The following AGTPBP1 variants were observed in gnomAD, a reference collection of about 807,000 sequenced individuals.
The protein encoded by AGTPBP1 is cytosolic carboxypeptidase 1.
A neutral mutation model predicts 143.9 loss-of-function variants in AGTPBP1; 70 were observed. The observed-to-expected ratio is 0.49, with a 90% CI of 0.40 to 0.59. The LOEUF (loss-of-function observed/expected upper bound fraction) is 0.59. AGTPBP1 is among the 20% of genes least tolerant of loss of function. The pLI is 0.00. For synonymous variants in AGTPBP1, 463 were observed against 500.2 expected, an observed-to-expected ratio of 0.93 and a Z score of 0.99; for missense variants, 1,229 against 1,464.5, an observed-to-expected ratio of 0.84 and a Z score of 2.62.
chr9:85,556,089 G>GA (rs1826322948), intron 25 of AGTPBP1, among the ~76,000 whole-genome samples: 1 of 151,948 alleles, frequency 6.6e-6, no homozygotes, highest in Non-Finnish European at 1.5e-5. Flanking sequence ...CCGTGACATG[G>GA]GTTTACCTAT....
chr9:85,759,887 A>C, the AGTPBP1 span, among the ~76,000 whole-genome samples: 1 of 152,220 alleles, frequency 6.6e-6, no homozygotes, highest in Non-Finnish European at 1.5e-5. Flanking sequence ...CTAATAAAGA[A>C]GAAAAGAGAG....
At chr9:85,620,021 A>G (rs562127506) in intron 15 of AGTPBP1, among the ~76,000 whole-genome samples, 24 of 152,196 alleles carry the variant, frequency 1.6e-4, no homozygotes, top group African/African-American at 5.8e-4. Flanking sequence ...TAAATAAGGT[A>G]TATGTTTCCT....
At chr9:85,666,829 T>C (rs928468363) in intron 8 of AGTPBP1, among the ~76,000 whole-genome samples, 2 of 152,026 alleles carry the variant, frequency 1.3e-5, no homozygotes, top group African/African-American at 4.8e-5. Flanking sequence ...AAACAGCAAA[T>C]AAATAAAAGC....
chr9:85,765,011 A>G, the AGTPBP1 span: 1 of 640,976 alleles, frequency 1.6e-6, no homozygotes, highest in South Asian at 1.7e-5. Flanking sequence ...AATCATAAAT[A>G]TTATCTGGTA....
chr9:85,741,707 T>C, intron 1 of AGTPBP1, 68 bp downstream of exon 1: 1 of 1,266,968 alleles, frequency 7.9e-7, no homozygotes, highest in Non-Finnish European at 9.9e-7. Context: ...GTCGCTCGCA[T>C]CTCCCGCGGC....
At chr9:85,555,568 C>T (rs1013530902) in intron 25 of AGTPBP1, among the ~76,000 whole-genome samples, 1 of 152,166 alleles carries the variant, frequency 6.6e-6, no homozygotes, top group African/African-American at 2.4e-5. Flanking sequence ...CACTGCACTC[C>T]AGCCTGGCGA....
chr9:85,595,580 G>T (rs904991686), intron 18 of AGTPBP1, among the ~76,000 whole-genome samples: 4 of 152,204 alleles, frequency 2.6e-5, no homozygotes, highest in African/African-American at 9.7e-5. Context: ...AGGCTGGAGT[G>T]CAGTGGTGCG....
chr9:85,636,370 T>C (rs528533022), intron 13 of AGTPBP1, among the ~76,000 whole-genome samples: 3 of 150,576 alleles, frequency 2.0e-5, no homozygotes, highest in East Asian at 4.0e-4. Flanking sequence ...CAAGCAATTC[T>C]CTCTGCCTTA....
intron 25 of AGTPBP1, among the ~76,000 whole-genome samples, chr9:85,558,198 C>A (rs1826472869): frequency 6.6e-6 from 1 of 152,098 alleles, no homozygotes; most frequent in Non-Finnish European, 1.5e-5. Context: ...TATGGATGAA[C>A]CTCAAAAGCA....
intron 2 of AGTPBP1, among the ~76,000 whole-genome samples, chr9:85,697,492 G>A (rs1212905153): frequency 8.8e-6 from 1 of 113,328 alleles, no homozygotes; most frequent in South Asian, 2.7e-4. Flanking sequence ...TTGCTCTGTC[G>A]CCCAGGCTGG....
intron 19 of AGTPBP1, 30 bp from the exon 20 acceptor site, chr9:85,589,711 A>G (rs755558202): frequency 1.3e-6 from 2 of 1,576,912 alleles, no homozygotes; most frequent in South Asian, 2.3e-5. Context: ...CAAAATATAC[A>G]ATCACTTAAA....
At chr9:85,799,081 G>A in the AGTPBP1 span, among the ~76,000 whole-genome samples, 1 of 152,096 alleles carries the variant, frequency 6.6e-6, no homozygotes, top group Non-Finnish European at 1.5e-5. Flanking sequence ...AACGTGCGGT[G>A]TTTGGTTTTC....
intron 3 of AGTPBP1, among the ~76,000 whole-genome samples, chr9:85,682,030 G>A (rs1835215494): frequency 6.6e-6 from 1 of 151,624 alleles, no homozygotes; most frequent in South Asian, 2.1e-4. Flanking sequence ...TTACAGGCAT[G>A]AGCCACCATG....
At chr9:85,675,321 T>G (rs1428449421) in intron 6 of AGTPBP1, among the ~76,000 whole-genome samples, 1 of 152,242 alleles carries the variant, frequency 6.6e-6, no homozygotes, top group Non-Finnish European at 1.5e-5. Context: ...TAACCTAACC[T>G]TAATCAGCTT....
At chr9:85,578,836 A>T in intron 24 of AGTPBP1, 84 bp downstream of exon 24, 1 of 1,330,228 alleles carries the variant, frequency 7.5e-7, no homozygotes, top group Non-Finnish European at 1.0e-6. Context: ...AACATCATTT[A>T]ATATATACTT....
the AGTPBP1 span, among the ~76,000 whole-genome samples, chr9:85,763,986 G>T: frequency 6.6e-6 from 1 of 151,942 alleles, no homozygotes; most frequent in Non-Finnish European, 1.5e-5. Context: ...AATGAAATAC[G>T]AGTAAAAACA....
At chr9:85,591,181 CAA>C (rs59204739) in intron 19 of AGTPBP1, among the ~76,000 whole-genome samples, 2,400 of 126,384 alleles carry the variant, frequency 0.019, 25 homozygotes, top group Middle Eastern at 0.06. Context: ...GTGGATATGG[CAA>C]AAAAAAAAAA....
rs1201029278 is a variant in AGTPBP1, at chr9:85,633,316, C to A, written c.1361G>T (p.Gly454Val). 5 of 1,603,206 alleles carry A rather than the reference C, an allele frequency of 3.1e-6. No homozygotes were observed. The highest frequency in any genetic ancestry group is 4.2e-6 in the Non-Finnish European group (5 of 1,177,238). ...KPFVFEGKVR[G>V]PIVVPTAGEE... is the part of the protein sequence containing the mutation. ...GCCTGCCGTAGGAACAACAATAGGA[C>A]CACGTACTTTTCCCTCAAATACAAA... Residue 454 changes from glycine (G) to valine (V), a missense_variant, in exon 14 of 26, where the codon GGT (glycine) becomes GTT (valine). Physicochemically the swap from Gly to Val is moderately radical, Grantham distance 109 (BLOSUM62 -3). Around this residue, in one of 2 missense-constraint regions of AGTPBP1, gnomAD observed 743 missense variants for 812.2 expected, o/e 0.91. Coordinates refer to ENST00000357081, the MANE Select transcript of AGTPBP1 (RefSeq NM_001330701.2).
intron 1 of AGTPBP1, among the ~76,000 whole-genome samples, chr9:85,727,775 A>T (rs1838600059): frequency 6.6e-6 from 1 of 152,042 alleles, no homozygotes; most frequent in Admixed American, 6.6e-5. Flanking sequence ...AAGTGCTTTG[A>T]GGAGACCAAG....
Sources: gnomAD v4.1 joint callset for allele counts (sites outside exome capture counted in the v4.1 genomes callset) on GRCh38, gnomAD v4.1.1 for gene constraint, gnomAD v4.1.1 regional missense constraint, MANE v1.5 for transcripts, NCBI Gene and HGNC (gene_info 2026-07-23, HGNC 2026-07-21) for gene names.